TMEM217: variants seen among roughly 807,000 people sequenced by gnomAD.
TMEM217 encodes chromosome 6 open reading frame 128.
For missense variants in TMEM217, 204 were observed against 248.8 expected (o/e 0.82, Z 1.21); for synonymous variants, 76 against 88.3 (o/e 0.86, Z 0.78).
intron 1 of TMEM217, among the ~76,000 whole-genome samples, chr6:37,239,477 A>AAAATAAATAAAT (rs10550751): frequency 6.7e-6 from 1 of 150,014 alleles, no homozygotes; most frequent in African/African-American, 2.5e-5. Context: ...TCTGTCTTAA[A>AAAATAAATAAAT]AAATAAATAA....
chr6:37,246,497 T>C (rs1380266581), intron 1 of TMEM217, among the ~76,000 whole-genome samples: 3 of 152,214 alleles, frequency 2.0e-5, no homozygotes, highest in Admixed American at 6.5e-5. Flanking sequence ...TCTACTCTCA[T>C]GCACTGCAAG....
intron 1 of TMEM217, among the ~76,000 whole-genome samples, chr6:37,247,613 C>T (rs989536020): frequency 4.6e-5 from 7 of 152,086 alleles, no homozygotes; most frequent in African/African-American, 9.7e-5. Flanking sequence ...GTCTCGATCT[C>T]CTGACCTCGT....
chr6:37,214,330 C>T (rs556305672), downstream of TMEM217, among the ~76,000 whole-genome samples: 5 of 152,196 alleles, frequency 3.3e-5, no homozygotes, highest in East Asian at 3.9e-4. Context: ...CAGGATGAAG[C>T]GATTCTCATG....
downstream of TMEM217, among the ~76,000 whole-genome samples, chr6:37,216,610 G>A (rs1763219958): frequency 6.6e-6 from 1 of 152,154 alleles, no homozygotes; most frequent in Admixed American, 6.5e-5. Flanking sequence ...GAGCACAGAG[G>A]CAGGAGAGCC....
At chr6:37,253,392 C>T (rs1765557316) in intron 1 of TMEM217, among the ~76,000 whole-genome samples, 1 of 152,148 alleles carries the variant, frequency 6.6e-6, no homozygotes, top group Non-Finnish European at 1.5e-5. Context: ...GAATGAAATA[C>T]CTAGTTTTCC....
At chr6:37,240,145 T>C (rs1764691740) in intron 1 of TMEM217, among the ~76,000 whole-genome samples, 1 of 152,234 alleles carries the variant, frequency 6.6e-6, no homozygotes, top group Admixed American at 6.5e-5. Flanking sequence ...TTAGTCACTA[T>C]TGCTCTGTAA....
chr6:37,256,490 C>A (rs1387825079), intron 1 of TMEM217, among the ~76,000 whole-genome samples: 1 of 152,140 alleles, frequency 6.6e-6, no homozygotes, highest in East Asian at 1.9e-4. Context: ...GGCTTTTTTT[C>A]TCTGGGTTAA....
chr6:37,257,805 G>A (rs1395868956), exon 1 of TMEM217: 20 of 1,179,902 alleles, frequency 1.7e-5, no homozygotes, highest in Non-Finnish European at 2.4e-5. Flanking sequence ...AGCTGGGAGC[G>A]GGTGACCGGC....
chr6:37,231,033 A>G (rs561354669), intron 1 of TMEM217, among the ~76,000 whole-genome samples: 16 of 151,962 alleles, frequency 1.1e-4, no homozygotes, highest in Admixed American at 7.9e-4. Flanking sequence ...ACTGTCACTA[A>G]ATTCCATTTA....
chr6:37,258,105 C>A, exon 1 of TMEM217: 1 of 1,015,538 alleles, frequency 9.8e-7, no homozygotes, highest in Non-Finnish European at 1.4e-6. Flanking sequence ...TGCCTGGTGG[C>A]GGCAGGGCAG....
chr6:37,220,821 T>G (rs1010395320), intron 1 of TMEM217, among the ~76,000 whole-genome samples: 2 of 152,136 alleles, frequency 1.3e-5, no homozygotes, highest in African/African-American at 2.4e-5. Flanking sequence ...AAACAACAGA[T>G]AGCAATGGAA....
chr6:37,250,386 T>C (rs1195939181), intron 1 of TMEM217, among the ~76,000 whole-genome samples: 1 of 152,206 alleles, frequency 6.6e-6, no homozygotes, highest in African/African-American at 2.4e-5. Context: ...CTGTGCATAT[T>C]AGTTTTATAC....
At position 37,218,978 on chromosome 6, in the gene TMEM217, G is replaced by T; in HGVS notation, c.53C>A (p.Ser18Ter). Residue 18 changes from serine (S) to a stop codon, truncating the protein, a stop_gained, in exon 2 of 2, where the codon TCA becomes TAA. Coordinates refer to ENST00000357219, the Ensembl canonical transcript of TMEM217. LOFTEE classifies it low-confidence loss of function (END_TRUNC). ...TACGGCCATGATGGTGAAGACCCCT[G>T]ACAACACGGTGCCCATTTTGGCAGT... is the stretch of plus-strand genomic sequence containing the variant. 6.2e-7 allele frequency: 1 copy of T among 1,614,194 alleles called. No individual in the cohort carries two copies. Among genetic ancestry groups the T allele is most frequent in the Non-Finnish European group, 8.5e-7 (1 of 1,180,046 alleles).
At chr6:37,226,237 CT>C (rs1378420825) in intron 1 of TMEM217, among the ~76,000 whole-genome samples, 3 of 134,138 alleles carry the variant, frequency 2.2e-5, no homozygotes, top group African/African-American at 8.3e-5. Flanking sequence ...TCACCATTCT[CT>C]TTTTTTGTTT....
downstream of TMEM217, among the ~76,000 whole-genome samples, chr6:37,214,489 A>G (rs528961901): frequency 7.9e-5 from 12 of 152,270 alleles, no homozygotes; most frequent in East Asian, 2.3e-3. Flanking sequence ...GGCCTCCCAA[A>G]GTGCTGGGAT....
chr6:37,235,613 AC>A (rs1764459401), intron 1 of TMEM217, among the ~76,000 whole-genome samples: 1 of 44,222 alleles, frequency 2.3e-5, no homozygotes, highest in South Asian at 1.3e-3. Context: ...TGATCCGTCC[AC>A]CTTGGCCTCC....
intron 1 of TMEM217, among the ~76,000 whole-genome samples, chr6:37,251,311 C>A (rs1424944279): frequency 1.3e-5 from 2 of 152,090 alleles, no homozygotes; most frequent in Non-Finnish European, 2.9e-5. Context: ...AAGGACTGAC[C>A]TATGATATTT....
chr6:37,241,658 G>A (rs1185274453), intron 1 of TMEM217, among the ~76,000 whole-genome samples: 1 of 152,172 alleles, frequency 6.6e-6, no homozygotes, highest in Non-Finnish European at 1.5e-5. Context: ...GGGATCCCCA[G>A]TGATAAGAGA....
At chr6:37,240,493 T>A (rs1460804444) in intron 1 of TMEM217, among the ~76,000 whole-genome samples, 1 of 149,756 alleles carries the variant, frequency 6.7e-6, no homozygotes, top group Non-Finnish European at 1.5e-5. Flanking sequence ...GAGTAAGTGA[T>A]GAGAGAGAGA....
Sources: allele counts gnomAD v4.1 joint callset (sites outside exome capture counted in the v4.1 genomes callset), GRCh38; gene constraint gnomAD v4.1.1; transcripts MANE v1.5; gene names NCBI Gene and HGNC (gene_info 2026-07-23, HGNC 2026-07-21).